Variants in AFF3 observed in about 807,000 individuals in gnomAD.
The protein encoded by AFF3 is AF4/FMR2 family member 3.
In AFF3, 32 loss-of-function variants were observed where a neutral mutation model predicts 129.7. The ratio of observed to expected loss-of-function variants is 0.25; its 90% confidence interval spans 0.19 to 0.33. The LOEUF (loss-of-function observed/expected upper bound fraction) is 0.33, where lower values mean the gene tolerates loss of function less well. AFF3 is among the 10% of genes least tolerant of loss of function. AFF3 has a pLI of 1.00. For synonymous variants in AFF3, 644 were observed against 635.4 expected (o/e 1.01, Z -0.20); for missense variants, 1,373 against 1,592.0 (o/e 0.86, Z 2.34).
intron 8 of AFF3, among the ~76,000 whole-genome samples, chr2:99,769,225 G>A (rs933404061): frequency 6.6e-6 from 1 of 151,990 alleles, no homozygotes; most frequent in African/African-American, 2.4e-5. Context: ...TTTTCAAACA[G>A]CCTGTCTTCA....
intron 8 of AFF3, among the ~76,000 whole-genome samples, chr2:99,776,683 T>C (rs1420826676): frequency 6.6e-6 from 1 of 152,226 alleles, no homozygotes; most frequent in Non-Finnish European, 1.5e-5. Context: ...ATTCCGGCAG[T>C]GGGCTCCAGG....
intron 11 of AFF3, among the ~76,000 whole-genome samples, chr2:99,673,430 G>A (rs1433565273): frequency 6.6e-6 from 1 of 152,146 alleles, no homozygotes; most frequent in Admixed American, 6.5e-5. Context: ...AAAAGAAACA[G>A]AACTTCAGAC....
At position 99,593,810 on chromosome 2, in the gene AFF3, G is replaced by A. The variant is rs755133734; in HGVS notation, c.1851C>T (p.Ser617=). 4 of 1,610,414 alleles carry A rather than the reference G, an allele frequency of 2.5e-6. No homozygotes were observed. In the South Asian group the frequency reaches 3.3e-5, roughly 13 times the overall value. Residue 617 remains serine (S), a synonymous_variant, in exon 15 of 25, where the codon AGC becomes AGT. Coordinates refer to ENST00000672756, the MANE Select transcript of AFF3 (RefSeq NM_001386135.1). Reference sequence around the variant, plus strand: ...TGGTGGGCTCCGGGGGGACCACCACGCTCGTCCCCAGCGCGTCCGCGGCCG... The same window carrying A: ...TGGTGGGCTCCGGGGGGACCACCACACTCGTCCCCAGCGCGTCCGCGGCCG... The part of the protein sequence containing the change: ...EPAAADALGT[S]VVVPPEPTKT...
At chr2:99,566,889 C>A (rs1676020192) in intron 19 of AFF3, among the ~76,000 whole-genome samples, 1 of 151,700 alleles carries the variant, frequency 6.6e-6, no homozygotes, top group Non-Finnish European at 1.5e-5. Flanking sequence ...AAATGCAGAG[C>A]AAAACTTCCT....
At chr2:99,712,463 A>C (rs528266259) in intron 11 of AFF3, among the ~76,000 whole-genome samples, 1 of 152,372 alleles carries the variant, frequency 6.6e-6, no homozygotes, top group South Asian at 2.1e-4. Flanking sequence ...GCAGGGGCCC[A>C]GTGCATGCCA....
At chr2:99,896,017 C>G (rs1471851589) in intron 7 of AFF3, among the ~76,000 whole-genome samples, 1 of 129,224 alleles carries the variant, frequency 7.7e-6, no homozygotes, top group African/African-American at 3.0e-5. Context: ...TGCAGTGAGG[C>G]GAGATCGCAC....
At chr2:99,625,188 A>C (rs1184753790) in intron 13 of AFF3, among the ~76,000 whole-genome samples, 1 of 152,244 alleles carries the variant, frequency 6.6e-6, no homozygotes, top group East Asian at 1.9e-4. Flanking sequence ...TGCAATTTCC[A>C]AGAAAGATCA....
chr2:100,084,586 C>T (rs1689278498), intron 4 of AFF3, among the ~76,000 whole-genome samples: 1 of 151,966 alleles, frequency 6.6e-6, no homozygotes, highest in African/African-American at 2.4e-5. Flanking sequence ...CAGACTTGAT[C>T]ATTACACGTC....
At chr2:99,695,458 C>T (rs181557655) in intron 11 of AFF3, among the ~76,000 whole-genome samples, 145 of 152,262 alleles carry the variant, frequency 9.5e-4, no homozygotes, top group Middle Eastern at 3.4e-3. Context: ...TATGGGCACA[C>T]GTGTATTCTT....
intron 7 of AFF3, among the ~76,000 whole-genome samples, chr2:99,953,089 C>T (rs919561470): frequency 2.6e-5 from 4 of 152,208 alleles, no homozygotes; most frequent in African/African-American, 9.6e-5. Context: ...AAACACGAAG[C>T]CCCACACTAA....
At chr2:99,811,420 G>T (rs1429272) in intron 8 of AFF3, among the ~76,000 whole-genome samples, 131,904 of 150,976 alleles carry the variant, frequency 0.87, 57,627 homozygotes, top group South Asian at 0.93. Flanking sequence ...AGGTTTTTTG[G>T]TTTTTTTTTC....
Position 99,593,572 on chromosome 2 carries a change from C to T in AFF3, c.2089G>A (p.Ala697Thr), listed in dbSNP as rs1678954996. The T allele has an allele frequency of 1.2e-6, 2 of 1,613,176 alleles. No individual in the cohort carries two copies. Among genetic ancestry groups the T allele is most frequent in the Non-Finnish European group, 8.5e-7 (1 of 1,179,926 alleles). Residue 697 changes from alanine (A) to threonine (T), a missense_variant, in exon 15 of 25, where the codon GCT (alanine) becomes ACT (threonine). Transcript: ENST00000672756. ...EYPLSKAQTV[A>T]ASASSGNDQR... ...TCATTCCCGGAGGAGGCAGAGGCAGCCACGGTCTGTGCTTTGGACAGAGGG... is the reference window on the plus strand; with the variant it reads ...TCATTCCCGGAGGAGGCAGAGGCAGTCACGGTCTGTGCTTTGGACAGAGGG...
At chr2:99,832,308 C>G (rs1576129452) in intron 8 of AFF3, among the ~76,000 whole-genome samples, 1 of 152,248 alleles carries the variant, frequency 6.6e-6, no homozygotes, top group East Asian at 1.9e-4. Flanking sequence ...AAGGGCGAAG[C>G]TGTTCATTCT....
At chr2:99,854,993 G>A (rs1576194963) in intron 7 of AFF3, among the ~76,000 whole-genome samples, 4 of 152,012 alleles carry the variant, frequency 2.6e-5, no homozygotes, top group South Asian at 2.1e-4. Context: ...TAATTAAATC[G>A]TCCCAAACTG....
At chr2:100,096,003 T>C (rs1690253942) in intron 4 of AFF3, among the ~76,000 whole-genome samples, 1 of 152,026 alleles carries the variant, frequency 6.6e-6, no homozygotes, top group Non-Finnish European at 1.5e-5. Context: ...CGTAGGACAC[T>C]AGGAAAGTTG....
intron 7 of AFF3, among the ~76,000 whole-genome samples, chr2:99,967,563 G>A (rs1005265280): frequency 2.6e-5 from 4 of 152,254 alleles, no homozygotes; most frequent in Middle Eastern, 3.4e-3. Context: ...ACTGTCCTGG[G>A]GGCAGACTGA....
intron 14 of AFF3, among the ~76,000 whole-genome samples, chr2:99,600,083 C>T (rs1679674533): frequency 6.6e-6 from 1 of 152,112 alleles, no homozygotes; most frequent in Non-Finnish European, 1.5e-5. Flanking sequence ...GGTTATGTTA[C>T]CATAAGGCTT....
chr2:99,824,589 T>C (rs1687933194), intron 8 of AFF3, among the ~76,000 whole-genome samples: 1 of 152,170 alleles, frequency 6.6e-6, no homozygotes, highest in Non-Finnish European at 1.5e-5. Flanking sequence ...GAGAGAGAAA[T>C]ACACACACTT....
At chr2:99,856,457 T>C (rs1048874425) in intron 7 of AFF3, among the ~76,000 whole-genome samples, 2 of 152,178 alleles carry the variant, frequency 1.3e-5, no homozygotes, top group Non-Finnish European at 2.9e-5. Context: ...CATTTAAAAT[T>C]GGTGAATTTT....
Sources: gnomAD v4.1 joint callset for allele counts (sites outside exome capture counted in the v4.1 genomes callset) on GRCh38, gnomAD v4.1.1 for gene constraint, MANE v1.5 for transcripts, NCBI Gene and HGNC (gene_info 2026-07-23, HGNC 2026-07-21) for gene names.